AVEN: variants seen among roughly 807,000 people sequenced by gnomAD.
The protein encoded by AVEN is cell death regulator Aven.
A neutral mutation model predicts 38.1 loss-of-function variants in AVEN; 41 were observed. The observed-to-expected ratio is 1.08, with a 90% confidence interval of 0.84 to 1.40. The LOEUF is 1.40. Among genes scored for constraint, AVEN ranks in the 40% most tolerant of loss-of-function variants. The pLI is 0.00. For synonymous variants in AVEN, 206 were observed against 171.8 expected, an observed-to-expected ratio of 1.20 and a Z score of -1.56; for missense variants, 605 against 438.8, an observed-to-expected ratio of 1.38 and a Z score of -3.38.
rs774898882 is a variant in AVEN at position 33,973,621 on chromosome 15, C to T, written c.445+29411G>A. Among the ~76,000 whole-genome samples the T allele has an allele frequency of 7.9e-5, 12 of 152,092 alleles. No homozygotes were observed. In the South Asian group the frequency reaches 1.0e-3, roughly 13 times the overall value. On this transcript the variant is annotated intron_variant, in intron 2 of 5. Transcript: ENST00000306730. Reference sequence around the variant, plus strand: ...CTCTGGGAGGCCAAAGCTGGAGGATCGCTTGAGGCCAGGAGTTCGAGACCC... The same window carrying T: ...CTCTGGGAGGCCAAAGCTGGAGGATTGCTTGAGGCCAGGAGTTCGAGACCC...
chr15:33,961,791 C>G (rs571186320), intron 2 of AVEN, among the ~76,000 whole-genome samples: 8 of 105,282 alleles, frequency 7.6e-5, no homozygotes, highest in South Asian at 3.5e-4. Flanking sequence ...CCAGCCTGGG[C>G]GACAGAGTGA....
intron 2 of AVEN, among the ~76,000 whole-genome samples, chr15:33,990,058 G>C (rs1896651245): frequency 6.6e-6 from 1 of 151,872 alleles, no homozygotes; most frequent in African/African-American, 2.4e-5. Context: ...CACAAAATTA[G>C]CCGGGCGTGG....
At chr15:33,924,010 GTAATAA>G (rs1053842166) in intron 2 of AVEN, among the ~76,000 whole-genome samples, 13 of 151,590 alleles carry the variant, frequency 8.6e-5, no homozygotes, top group African/African-American at 7.3e-5. Context: ...ATATTACAAT[GTAATAA>G]TAATAGAAAT....
chr15:33,968,183 C>T (rs1473101810), intron 2 of AVEN, among the ~76,000 whole-genome samples: 2 of 135,570 alleles, frequency 1.5e-5, no homozygotes, highest in African/African-American at 5.2e-5. Context: ...CATTTTGGAA[C>T]CTTATTCCAG....
chr15:33,858,424 CT>C (rs1358268298), downstream of AVEN, among the ~76,000 whole-genome samples: 1 of 151,970 alleles, frequency 6.6e-6, no homozygotes. Context: ...TCAGGCTGGT[CT>C]CAAACTCCCG....
At chr15:33,855,841 A>G (rs2079602307), downstream of AVEN, 2 of 152,232 alleles carry the variant, frequency 1.3e-5, no homozygotes, top group East Asian at 1.9e-4. Context: ...AGCAACGGCT[A>G]TAACCATATT....
intron 2 of AVEN, among the ~76,000 whole-genome samples, chr15:33,964,404 G>A (rs757622011): frequency 1.3e-5 from 2 of 152,108 alleles, no homozygotes; most frequent in Non-Finnish European, 2.9e-5. Flanking sequence ...GGGTGCTATG[G>A]TAGAGGAATA....
chr15:33,931,156 A>G (rs1328822388), intron 2 of AVEN, among the ~76,000 whole-genome samples: 1 of 152,038 alleles, frequency 6.6e-6, no homozygotes, highest in Non-Finnish European at 1.5e-5. Flanking sequence ...GAAATTATCT[A>G]TAGTCTAAAT....
intron 2 of AVEN, among the ~76,000 whole-genome samples, chr15:33,980,160 T>C (rs686966): frequency 0.81 from 123,519 of 152,270 alleles, 54,985 homozygotes; most frequent in Non-Finnish European, 0.98. Context: ...ACAAGGAACC[T>C]AAACATGTAG....
intron 5 of AVEN, among the ~76,000 whole-genome samples, chr15:34,052,666 T>A (rs1899969584): frequency 6.6e-6 from 1 of 152,328 alleles, no homozygotes; most frequent in South Asian, 2.1e-4. Context: ...GCAAAATCAA[T>A]GTGCAAAAAT....
At chr15:34,024,525 GAAAACTATCAAATT>G (rs1394271606) in intron 1 of AVEN, among the ~76,000 whole-genome samples, 97 of 149,146 alleles carry the variant, frequency 6.5e-4, no homozygotes, top group Non-Finnish European at 3.3e-4. Context: ...ATTCATTAAG[GAAAACTATCAAATT>G]AAAACTACAA....
intron 1 of AVEN, among the ~76,000 whole-genome samples, chr15:34,021,218 C>T (rs1050912157): frequency 1.3e-5 from 2 of 151,794 alleles, no homozygotes; most frequent in African/African-American, 2.4e-5. Flanking sequence ...TGGAGTTTTG[C>T]TCTGTCGCCT....
upstream of AVEN, among the ~76,000 whole-genome samples, chr15:34,042,333 A>G (rs769169877): frequency 2.0e-5 from 3 of 152,014 alleles, no homozygotes; most frequent in South Asian, 2.1e-4. Flanking sequence ...GCTGAATTAT[A>G]TAGGTAGCTC....
chr15:34,046,580 G>T (rs1899693224), intron 5 of AVEN: 1 of 152,140 alleles, frequency 6.6e-6, no homozygotes, highest in Non-Finnish European at 1.5e-5. Context: ...CTTAAAATAT[G>T]GTACATGGAT....
chr15:34,013,070 TTTG>T (rs940744604), intron 1 of AVEN, among the ~76,000 whole-genome samples: 18 of 145,278 alleles, frequency 1.2e-4, no homozygotes, highest in Admixed American at 2.8e-4. Context: ...TGTTTGTTTG[TTTG>T]TTTTTTGAGA....
At chr15:33,878,230 G>C (rs115485833) in intron 2 of AVEN, among the ~76,000 whole-genome samples, 2,406 of 152,116 alleles carry the variant, frequency 0.016, 68 homozygotes, top group African/African-American at 0.054. Context: ...ACGAAGATAT[G>C]CTTTTTTTTA....
At chr15:33,931,338 C>A (rs995564998) in intron 2 of AVEN, among the ~76,000 whole-genome samples, 2 of 139,964 alleles carry the variant, frequency 1.4e-5, no homozygotes, top group Admixed American at 7.1e-5. Context: ...AGAAACTATG[C>A]TGAATATTTT....
Position 34,038,765 on chromosome 15 carries a change from G to A in AVEN, c.267+15C>T. The A allele has an allele frequency of 8.6e-7, 1 of 1,166,310 alleles. No individual in the cohort carries two copies. 72.2% of individuals were successfully genotyped at this position (1,166,310 alleles called of 1,614,324 possible). A position where few individuals can be genotyped will look rare whatever the true frequency, so the allele number is the denominator to read the frequency against. On this transcript the variant is annotated intron_variant, in intron 1 of 5. Coordinates refer to ENST00000306730, the MANE Select transcript of AVEN (RefSeq NM_020371.3). ...GTTACACGCGGTCCCAGCCCCACCA[G>A]CCGTCGCCTCTTACCGGCGCGCTGG...
At chr15:33,890,315 T>C (rs1402530522) in intron 2 of AVEN, among the ~76,000 whole-genome samples, 2 of 152,182 alleles carry the variant, frequency 1.3e-5, no homozygotes, top group Non-Finnish European at 2.9e-5. Context: ...TTATTACTAC[T>C]CTTGTGACTG....
Sources: allele counts gnomAD v4.1 joint callset (sites outside exome capture counted in the v4.1 genomes callset), GRCh38; gene constraint gnomAD v4.1.1; transcripts MANE v1.5; gene names NCBI Gene and HGNC (gene_info 2026-07-23, HGNC 2026-07-21).